MTMR11: variants seen among roughly 807,000 people sequenced by gnomAD.
MTMR11 encodes the protein myotubularin-related protein 11.
Under a neutral mutation model 100.0 loss-of-function variants are expected in MTMR11, and 89 were observed. The observed-to-expected ratio is 0.89, with a 90% CI of 0.75 to 1.06. The LOEUF (loss-of-function observed/expected upper bound fraction) is 1.06. Ranked by LOEUF, MTMR11 falls within the 50% of genes least tolerant of loss-of-function variation. The pLI, the probability that MTMR11 is intolerant of heterozygous loss-of-function variation, is 0.00. For synonymous variants in MTMR11, 336 were observed against 326.3 expected (o/e 1.03, Z -0.32); for missense variants, 809 against 873.7 (o/e 0.93, Z 0.93).
At position 149,936,133 on chromosome 1, in the gene MTMR11, A is replaced by T. The variant is rs587704909; in HGVS notation, c.142+21T>A. The T allele has an allele frequency of 4.4e-5, 70 of 1,604,900 alleles. No individual in the cohort carries two copies. In the South Asian group the frequency reaches 6.9e-4, roughly 16 times the overall value. ...TAGGATGAAATTTGGAAGTCTTTGG[A>T]GAGTGATAGGGCATTATTACCTGGG... On this transcript the variant is annotated intron_variant, in intron 2 of 16. Transcript: ENST00000439741.
chr1:149,934,067 C>T, intron 7 of MTMR11, 124 bp downstream of exon 7: 1 of 1,552,946 alleles, frequency 6.4e-7, no homozygotes, highest in South Asian at 1.1e-5. Context: ...ATCTAGGAGG[C>T]AAGGGAGATA....
rs149516431 is a variant in MTMR11 at position 149,929,495 on chromosome 1, C to G, written c.1941+128G>C. ...CTACACTCCCAAACCTTGTTTGATG[C>G]CAAGAGGAGTAGAACTTCACTTCCC... On this transcript the variant is annotated intron_variant, in intron 16 of 16. Coordinates refer to ENST00000439741, the MANE Select transcript of MTMR11 (RefSeq NM_001145862.2). The G allele has an allele frequency of 2.3e-4, 292 of 1,283,586 alleles. No homozygotes were observed. The Middle Eastern group carries it at 2.9e-3, about 13-fold the overall frequency. The allele number at this position is 1,283,586 out of a possible 1,614,324, so 79.5% of individuals were successfully genotyped here. A position where few individuals can be genotyped will look rare whatever the true frequency, so the allele number is the denominator to read the frequency against.
rs1553768267 is a variant in MTMR11 at position 149,933,860 on chromosome 1, C to T, written c.766G>A (p.Gly256Arg). Reference sequence around the variant, plus strand: ...ACCCTAACCATCACACTGACCGGTCCACGGCCCTGATGAAAGTGGCCAAAT... The same window carrying T: ...ACCCTAACCATCACACTGACCGGTCTACGGCCCTGATGAAAGTGGCCAAAT... ...RAFGHFHQGR[G>R]PRLSWHHPGG... The change falls in exon 8 of 17, where the codon GGA (glycine) becomes AGA (arginine). Residue 256 changes from glycine (G) to arginine (R), a missense_variant. Coordinates refer to ENST00000439741, the MANE Select transcript of MTMR11 (RefSeq NM_001145862.2). 6.2e-7 allele frequency: 1 copy of T among 1,614,058 alleles called. No homozygotes were observed. The highest frequency in any genetic ancestry group is 1.1e-5 in the South Asian group (1 of 91,082).
intron 15 of MTMR11, 76 bp from the exon 16 acceptor site, chr1:149,929,992 G>C: frequency 7.0e-7 from 1 of 1,425,154 alleles, no homozygotes; most frequent in Non-Finnish European, 9.5e-7. Context: ...TCAGGACAGG[G>C]TGTCCTGCTG....
rs782536447 is a variant in MTMR11, at chr1:149,935,683, G to T, written c.165C>A (p.Ala55=). ...GTTCCAGGCCCTTCCTCACCCCTGG[G>T]GCCCATGCTAGGATCTGCTCCCCTA... The part of the protein sequence containing the change: ...CLPGEQILAW[A]PGVRKGLEPE... Residue 55 remains alanine (A), a synonymous_variant, in exon 3 of 17, where the codon GCC becomes GCA. Transcript: ENST00000439741. 5.6e-6 allele frequency: 9 copies of T among 1,611,354 alleles called. No homozygotes were observed. Among genetic ancestry groups the T allele is most frequent in the Non-Finnish European group, 7.6e-6 (9 of 1,178,764 alleles).
Position 149,931,047 on chromosome 1 carries a change from CAG to C in MTMR11, c.1291-84_1291-83del, listed in dbSNP as rs2092653115. On this transcript the variant is annotated intron_variant, in intron 13 of 16. Transcript: ENST00000439741. ...CGAGATGATAAGGGAATGGGGAACA[CAG>C]GGAATAGGGGGAACTTATGGAAGTC... 9.2e-6 allele frequency: 13 copies of C among 1,420,342 alleles called. No homozygotes were observed. In the African/African-American group the frequency reaches 1.4e-4, roughly 16 times the overall value. The allele number at this position is 1,420,342 out of a possible 1,614,324, so 88.0% of individuals were successfully genotyped here. A position where few individuals can be genotyped will look rare whatever the true frequency, so the allele number is the denominator to read the frequency against.
chr1:149,929,596 C>A, intron 16 of MTMR11, 27 bp downstream of exon 16: 1 of 1,592,720 alleles, frequency 6.3e-7, no homozygotes. Context: ...TCCCTTGTCC[C>A]ACTCCCAGTC....
Position 149,933,879 on chromosome 1 carries a change from G to T in MTMR11, c.747C>A (p.Gly249=). 1 of 1,614,180 alleles carries T rather than the reference G, an allele frequency of 6.2e-7. No homozygotes were observed. The change falls in exon 8 of 17, where the codon GGC becomes GGA. Residue 249 remains glycine, a synonymous_variant. Coordinates refer to ENST00000439741, the MANE Select transcript of MTMR11 (RefSeq NM_001145862.2). ...CCGGTCCACGGCCCTGATGAAAGTG[G>T]CCAAATGCTCTCCTGACCTCACTGT... is the stretch of plus-strand genomic sequence containing the variant. The part of the protein sequence containing the change: ...ILDSEVRRAF[G]HFHQGRGPRL...
chr1:149,931,780 A>T (rs2092663697), intron 12 of MTMR11, among the ~76,000 whole-genome samples, 164 bp downstream of exon 12: 1 of 152,166 alleles, frequency 6.6e-6, no homozygotes, highest in South Asian at 2.1e-4. Flanking sequence ...ACAAGTTGTG[A>T]TGGGGAGGCA....
chr1:149,933,839 T>C lies in MTMR11; in HGVS notation c.771+16A>G, dbSNP rs1291767949. On this transcript the variant is annotated intron_variant, in intron 8 of 16. Coordinates refer to ENST00000439741, the MANE Select transcript of MTMR11 (RefSeq NM_001145862.2). Reference sequence around the variant, plus strand: ...ACCCTCTAATCCACAGCCATTACCCTAACCATCACACTGACCGGTCCACGG... The same window carrying C: ...ACCCTCTAATCCACAGCCATTACCCCAACCATCACACTGACCGGTCCACGG... 1 of 1,613,006 alleles carries C rather than the reference T, an allele frequency of 6.2e-7. No homozygotes were observed. The highest frequency in any genetic ancestry group is 8.5e-7 in the Non-Finnish European group (1 of 1,179,070).
At position 149,934,479 on chromosome 1, in the gene MTMR11, T is replaced by A. The variant is rs1553768569; in HGVS notation, c.516A>T (p.Gln172His). ...VQARAQSNQAQQYSGITLSKA... is the reference protein window; with the variant it reads ...VQARAQSNQAHQYSGITLSKA... ...TGCTCAGGGTTATCCCCGAATACTG[T>A]TGGGCTTGATTGCTCTGAGCTCTGG... is the stretch of plus-strand genomic sequence containing the variant. Residue 172 changes from glutamine to histidine, a missense_variant, in exon 6 of 17, where the codon CAA becomes CAT. By Grantham distance (24) the Gln-to-His change is conservative. Coordinates refer to ENST00000439741, the MANE Select transcript of MTMR11 (RefSeq NM_001145862.2). 1 of 1,614,232 alleles carries A rather than the reference T, an allele frequency of 6.2e-7. No individual in the cohort carries two copies. The highest frequency in any genetic ancestry group is 1.1e-5 in the South Asian group (1 of 91,088).
intron 12 of MTMR11, 84 bp from the exon 13 acceptor site, chr1:149,931,510 G>A (rs1171142989): frequency 1.5e-6 from 2 of 1,325,070 alleles, no homozygotes; most frequent in African/African-American, 3.0e-5. Context: ...AATACGGCAA[G>A]GAGAAGTGAG....
Position 149,929,176 on chromosome 1 carries a change from C to T in MTMR11, c.2083G>A (p.Glu695Lys). ...CTGCCTTTGAGAATGCCAGCAATTT[C>T]AGTGGGATTGAGAATGGTATGTGGA... ...RDPHTILNPTEIAGILKGRAE... is the reference protein window; with the variant it reads ...RDPHTILNPTKIAGILKGRAE... The change falls in exon 17 of 17, where the codon GAA becomes AAA. Residue 695 changes from glutamate (E) to lysine (K), a missense_variant. Glu to Lys is a moderately conservative substitution (Grantham distance 56). Transcript: ENST00000439741. The T allele has an allele frequency of 6.2e-7, 1 of 1,613,768 alleles. No individual in the cohort carries two copies. The highest frequency in any genetic ancestry group is 8.5e-7 in the Non-Finnish European group (1 of 1,179,982).
intron 2 of MTMR11, 82 bp from the exon 3 acceptor site, chr1:149,935,787 G>T (rs1414000485): frequency 2.1e-6 from 3 of 1,445,282 alleles, no homozygotes; most frequent in Non-Finnish European, 2.8e-6. Context: ...CCAAGAAAGG[G>T]AGATCTAAAT....
At chr1:149,936,473 C>T in intron 1 of MTMR11, 109 bp downstream of exon 1, 1 of 1,266,494 alleles carries the variant, frequency 7.9e-7, no homozygotes, top group Middle Eastern at 1.9e-4. Context: ...AGCTGATAGA[C>T]AGACACACCC....
intron 14 of MTMR11, 50 bp from the exon 15 acceptor site, chr1:149,930,597 T>C: frequency 6.7e-7 from 1 of 1,501,888 alleles, no homozygotes; most frequent in African/African-American, 1.4e-5. Context: ...TCCTCCCACA[T>C]CTAGAGACAA....
At position 149,928,982 on chromosome 1, in the gene MTMR11, T is replaced by G. The variant is rs2092617615; in HGVS notation, c.*147A>C. 5 of 1,610,002 alleles carry G rather than the reference T, an allele frequency of 3.1e-6. No homozygotes were observed. The highest frequency in any genetic ancestry group is 3.4e-6 in the Non-Finnish European group (4 of 1,178,268). ...AAGAAGCAAAAATATTTGTAGAAAC[T>G]AAGCAAGACAAGAGTTGGAGCAGTT... is the stretch of plus-strand genomic sequence containing the variant. On this transcript the variant is annotated 3_prime_UTR_variant, in exon 17 of 17. Coordinates refer to ENST00000439741, the MANE Select transcript of MTMR11 (RefSeq NM_001145862.2).
Position 149,928,854 on chromosome 1 carries a change from C to G in MTMR11, c.*275G>C. 1 of 1,610,738 alleles carries G rather than the reference C, an allele frequency of 6.2e-7. No individual in the cohort carries two copies. Among genetic ancestry groups the G allele is most frequent in the Non-Finnish European group, 8.5e-7 (1 of 1,176,976 alleles). On this transcript the variant is annotated 3_prime_UTR_variant, in exon 17 of 17. Transcript: ENST00000439741. ...TTGTTGGGACTGATGAACAGCATCTCTGATCTCATGATTTAACATCTGGTT... is the reference window on the plus strand; with the variant it reads ...TTGTTGGGACTGATGAACAGCATCTGTGATCTCATGATTTAACATCTGGTT...
In MTMR11 at chr1:149,936,232, T is replaced by G. The variant is rs1408280077; in HGVS notation, c.67-3A>C. 1 of 1,612,986 alleles carries G rather than the reference T, an allele frequency of 6.2e-7. No homozygotes were observed. Among genetic ancestry groups the G allele is most frequent in the Non-Finnish European group, 8.5e-7 (1 of 1,179,976 alleles). ...GGCATCCTATTTTCCTGGACAGACT[T>G]TGGTCCAGAGGGTTGAGGGGGGTCT... On this transcript the variant is annotated splice_region_variant and splice_polypyrimidine_tract_variant and intron_variant, in intron 1 of 16. Coordinates refer to ENST00000439741, the MANE Select transcript of MTMR11 (RefSeq NM_001145862.2).
Sources: gnomAD v4.1 joint callset for allele counts (sites outside exome capture counted in the v4.1 genomes callset) on GRCh38, gnomAD v4.1.1 for gene constraint, MANE v1.5 for transcripts, NCBI Gene and HGNC (gene_info 2026-07-23, HGNC 2026-07-21) for gene names.